The following APBB1IP variants were observed in gnomAD, a reference collection of about 807,000 sequenced individuals.
APBB1IP encodes the protein amyloid beta A4 precursor protein-binding family B member 1-interacting protein.
APBB1IP carries 27 observed loss-of-function variants against 64.9 expected under a neutral mutation model. The observed-to-expected ratio is 0.42, with a 90% CI of 0.31 to 0.57. The LOEUF (loss-of-function observed/expected upper bound fraction) is 0.57, where lower values mean the gene tolerates loss of function less well. Ranked by LOEUF, APBB1IP falls within the 20% of genes least tolerant of loss-of-function variation. The pLI, the probability that APBB1IP is intolerant of heterozygous loss-of-function variation, is 0.20. For missense variants in APBB1IP, 812 were observed against 845.5 expected (o/e 0.96, Z 0.49); for synonymous variants, 392 against 331.0 (o/e 1.18, Z -2.00).
In APBB1IP at chr10:26,567,062, C is replaced by G; in HGVS notation, c.1575C>G (p.Ser525=). The part of the protein sequence containing the change: ...SLPPPPPVRR[S]SDTSGSPATP... ...CCCCGCCCCCTCCGGTGCGGAGGTCCTCCGACACCAGCGGCAGTCCCGCCA... is the reference window on the plus strand; with the variant it reads ...CCCCGCCCCCTCCGGTGCGGAGGTCGTCCGACACCAGCGGCAGTCCCGCCA... The change falls in exon 15 of 15, where the codon TCC becomes TCG. Residue 525 remains serine (S), a synonymous_variant. Transcript: ENST00000376236. The G allele has an allele frequency of 6.7e-7, 1 of 1,502,904 alleles. No homozygotes were observed. The highest frequency in any genetic ancestry group is 1.2e-5 in the South Asian group (1 of 81,250). 93.1% of individuals were successfully genotyped at this position (1,502,904 alleles called of 1,614,324 possible). A position where few individuals can be genotyped will look rare whatever the true frequency, so the allele number is the denominator to read the frequency against.
At chr10:26,541,803 G>T in intron 11 of APBB1IP, 111 bp downstream of exon 11, 11 of 740,530 alleles carry the variant, frequency 1.5e-5, no homozygotes, top group Non-Finnish European at 2.1e-5. Flanking sequence ...ATAAGAAATT[G>T]TTTAACCAAA....
intron 6 of APBB1IP, among the ~76,000 whole-genome samples, chr10:26,504,623 TC>T (rs1351550048): frequency 6.6e-6 from 1 of 151,682 alleles, no homozygotes; most frequent in Non-Finnish European, 1.5e-5. Context: ...GGCAGGATAA[TC>T]ATTTGAGCCC....
chr10:26,528,414 T>C (rs1836506129), intron 8 of APBB1IP, among the ~76,000 whole-genome samples: 1 of 152,198 alleles, frequency 6.6e-6, no homozygotes, highest in Non-Finnish European at 1.5e-5. Flanking sequence ...TACCAGAACA[T>C]TGAACAGCTT....
In APBB1IP at chr10:26,478,834, G is replaced by A. The variant is rs988300094; in HGVS notation, c.1-13493G>A. Among the ~76,000 whole-genome samples, 5 of 152,022 alleles carry A rather than the reference G, an allele frequency of 3.3e-5. No homozygotes were observed. The East Asian group carries it at 5.8e-4, about 18-fold the overall frequency. ...ATAGGGATGGAGCCAGAATCTCTGG[G>A]GCCTGAATCTTACACAATTTTGGGA... On this transcript the variant is annotated intron_variant, in intron 2 of 14. Transcript: ENST00000376236.
intron 11 of APBB1IP, among the ~76,000 whole-genome samples, chr10:26,543,122 C>T (rs962438406): frequency 6.6e-6 from 1 of 151,302 alleles, no homozygotes; most frequent in South Asian, 2.1e-4. Flanking sequence ...CACTGAAGGC[C>T]GGGAGAAGGC....
At chr10:26,522,825 C>T (rs530278198) in intron 8 of APBB1IP, among the ~76,000 whole-genome samples, 1 of 151,950 alleles carries the variant, frequency 6.6e-6, no homozygotes, top group East Asian at 1.9e-4. Flanking sequence ...CATGATGAAA[C>T]CTTGTCTCTA....
intron 2 of APBB1IP, among the ~76,000 whole-genome samples, chr10:26,470,412 G>C (rs1479679101): frequency 6.6e-6 from 1 of 152,090 alleles, no homozygotes; most frequent in Non-Finnish European, 1.5e-5. Flanking sequence ...GGAGGCAGGC[G>C]CCTGTAATCC....
rs72805221 is a variant in APBB1IP, at chr10:26,562,094, C to T, written c.1370-232C>T. ...CCTTCCTGATCTTTTTGCTGAATCT[C>T]ATATAAAGTTTTGTCACAGAACCTC... is the stretch of plus-strand genomic sequence containing the variant. On this transcript the variant is annotated intron_variant, in intron 13 of 14. Transcript: ENST00000376236. 236 of 427,726 alleles carry T rather than the reference C, an allele frequency of 5.5e-4. 1 individual carries two copies. Among genetic ancestry groups the T allele is most frequent in the Middle Eastern group, 2.8e-3 (4 of 1,422 alleles). 26.5% of individuals were successfully genotyped at this position (427,726 alleles called of 1,614,324 possible).
At chr10:26,439,628 A>G (rs929388330) in intron 2 of APBB1IP, among the ~76,000 whole-genome samples, 1 of 145,082 alleles carries the variant, frequency 6.9e-6, no homozygotes, top group Non-Finnish European at 1.5e-5. Flanking sequence ...CTTAGTTCAT[A>G]CCCCTGTGGA....
At chr10:26,502,209 C>G (rs955666794) in intron 5 of APBB1IP, among the ~76,000 whole-genome samples, 6 of 152,180 alleles carry the variant, frequency 3.9e-5, no homozygotes, top group African/African-American at 1.4e-4. Flanking sequence ...AGCTCATTTC[C>G]TCAACATTAT....
intron 8 of APBB1IP, among the ~76,000 whole-genome samples, chr10:26,526,323 G>C (rs1412877852): frequency 6.6e-6 from 1 of 152,146 alleles, no homozygotes; most frequent in African/African-American, 2.4e-5. Context: ...ACTTACATGA[G>C]GTAAAGTAAG....
chr10:26,526,679 A>G (rs1314184955), intron 8 of APBB1IP, among the ~76,000 whole-genome samples: 2 of 151,208 alleles, frequency 1.3e-5, no homozygotes, highest in Non-Finnish European at 3.0e-5. Context: ...AGACCACACC[A>G]TTGCACTCCA....
chr10:26,495,954 TTATATATATTTAATATATA>T (rs1365591414), intron 3 of APBB1IP, among the ~76,000 whole-genome samples: 1 of 135,106 alleles, frequency 7.4e-6, no homozygotes, highest in Admixed American at 7.3e-5. Flanking sequence ...AAAATATATT[TTATATATATTTAATATATA>T]TAAATATAAT....
Position 26,560,556 on chromosome 10 carries a change from G to T in APBB1IP, c.1255-174G>T, listed in dbSNP as rs1836954810. Among the ~76,000 whole-genome samples the T allele has an allele frequency of 2.0e-5, 3 of 152,168 alleles. No homozygotes were observed. The South Asian group carries it at 6.2e-4, about 32-fold the overall frequency. On this transcript the variant is annotated intron_variant, in intron 12 of 14. Transcript: ENST00000376236. ...AACTGACTCTGTTAATCTGGAAAAT[G>T]ATTGAATGTGTATTTGTTAAATTTT...
At position 26,519,700 on chromosome 10, in the gene APBB1IP, T is replaced by TA. The variant is rs201782734; in HGVS notation, c.813+6044dup. On this transcript the variant is annotated intron_variant, in intron 8 of 14. Coordinates refer to ENST00000376236, the MANE Select transcript of APBB1IP (RefSeq NM_019043.4). The stretch of plus-strand genomic sequence containing the variant: ...ATTATTTTGCACAAGAATATGTTCT[T>TA]AAAAGCCAACTTTTATACATTCTCC... 1.0e-2 allele frequency among the ~76,000 whole-genome samples: 1,517 copies of TA among 152,352 alleles called. 11 individuals are homozygous for TA. The highest frequency in any genetic ancestry group is 0.025 in the East Asian group (129 of 5,192).
At chr10:26,465,043 A>G (rs1589194185) in intron 2 of APBB1IP, among the ~76,000 whole-genome samples, 1 of 152,356 alleles carries the variant, frequency 6.6e-6, no homozygotes, top group East Asian at 1.9e-4. Flanking sequence ...CATTATTTCC[A>G]TTTTAGACAT....
intron 14 of APBB1IP, among the ~76,000 whole-genome samples, chr10:26,564,985 G>T (rs1442700182): frequency 1.3e-5 from 2 of 152,102 alleles, no homozygotes; most frequent in Non-Finnish European, 2.9e-5. Context: ...CTGGCAAAAT[G>T]GACCTGTGTT....
intron 8 of APBB1IP, among the ~76,000 whole-genome samples, chr10:26,513,992 C>G (rs913574864): frequency 9.9e-5 from 15 of 152,226 alleles, no homozygotes; most frequent in African/African-American, 3.6e-4. Context: ...CCTCAGGCTC[C>G]CAAAGTGCTA....
chr10:26,487,197 G>GTTT (rs34387177), intron 2 of APBB1IP, among the ~76,000 whole-genome samples: 1 of 134,160 alleles, frequency 7.5e-6, no homozygotes, highest in Non-Finnish European at 1.6e-5. Context: ...AGGGCTGGGT[G>GTTT]TTTTTTTTTT....
Sources: allele counts gnomAD v4.1 joint callset (sites outside exome capture counted in the v4.1 genomes callset), GRCh38; gene constraint gnomAD v4.1.1; transcripts MANE v1.5; gene names NCBI Gene and HGNC (gene_info 2026-07-23, HGNC 2026-07-21).